EYS: variants seen among roughly 807,000 people sequenced by gnomAD.
The protein encoded by EYS is protein eyes shut homolog.
A neutral mutation model predicts 282.1 loss-of-function variants in EYS; 250 were observed. The observed-to-expected ratio is 0.89, with a 90% CI of 0.80 to 0.98. The LOEUF is 0.98. Ranked by LOEUF, EYS falls within the 50% of genes least tolerant of loss-of-function variation. The pLI, the probability that EYS is intolerant of heterozygous loss-of-function variation, is 0.00. For missense variants in EYS, 4,016 were observed against 3,709.0 expected (o/e 1.08, Z -2.15); for synonymous variants, 1,355 against 1,282.9 (o/e 1.06, Z -1.20).
chr6:65,696,780 C>T (rs2149848729), intron 1 of EYS, among the ~76,000 whole-genome samples: 1 of 152,008 alleles, frequency 6.6e-6, no homozygotes, highest in East Asian at 1.9e-4. Context: ...AAATATTAAA[C>T]TTTGAAATGT....
At chr6:64,035,404 A>G (rs1229176156) in intron 33 of EYS, among the ~76,000 whole-genome samples, 1 of 152,240 alleles carries the variant, frequency 6.6e-6, no homozygotes, top group African/African-American at 2.4e-5. Context: ...TATGACTCAT[A>G]GGGAGGAGAA....
chr6:63,804,762 T>C (rs1333601479), intron 37 of EYS, among the ~76,000 whole-genome samples: 1 of 152,222 alleles, frequency 6.6e-6, no homozygotes, highest in Non-Finnish European at 1.5e-5. Context: ...AGATGGGTTT[T>C]AAACAAGGTT....
rs752654910 is a variant in EYS, at chr6:64,081,881, G to C, written c.6546C>G (p.Asn2182Lys). 9.7e-6 allele frequency: 15 copies of C among 1,538,738 alleles called. No homozygotes were observed. Among genetic ancestry groups the C allele is most frequent in the Non-Finnish European group, 1.3e-5 (15 of 1,137,776 alleles). Residue 2182 changes from asparagine to lysine, a missense_variant, in exon 32 of 43, where the codon AAC becomes AAG. Coordinates refer to ENST00000503581, the MANE Select transcript of EYS (RefSeq NM_001142800.2). ...TGTAAAGAATAGTTCCATTTAAACT[G>C]TTTGTTTTTATAGTCAAGTAGATGG... ...TVTIYLTIKTNSLNGTILYSN... is the reference protein window; with the variant it reads ...TVTIYLTIKTKSLNGTILYSN...
At chr6:65,262,293 T>C (rs866944316) in intron 12 of EYS, among the ~76,000 whole-genome samples, 10 of 152,138 alleles carry the variant, frequency 6.6e-5, no homozygotes, top group African/African-American at 2.4e-4. Flanking sequence ...ATACATTACA[T>C]GTCATACAGG....
chr6:65,478,131 G>C (rs1435993789), intron 5 of EYS, among the ~76,000 whole-genome samples: 1 of 152,136 alleles, frequency 6.6e-6, no homozygotes, highest in African/African-American at 2.4e-5. Flanking sequence ...AGGAGTAAAG[G>C]AAGTGGATTT....
At chr6:64,543,598 T>G (rs1764755137) in intron 26 of EYS, among the ~76,000 whole-genome samples, 1 of 152,140 alleles carries the variant, frequency 6.6e-6, no homozygotes, top group South Asian at 2.1e-4. Context: ...GCTAGTAAAA[T>G]TAATACAATA....
intron 1 of EYS, among the ~76,000 whole-genome samples, chr6:65,700,114 C>CAA (rs1178482636): frequency 0.021 from 1,092 of 51,718 alleles, 118 homozygotes; most frequent in African/African-American, 0.069. Context: ...GACTCCGTCT[C>CAA]AAAAAAAAAA....
intron 33 of EYS, among the ~76,000 whole-genome samples, chr6:64,024,724 C>G (rs561440282): frequency 6.6e-6 from 1 of 152,148 alleles, no homozygotes. Context: ...TCCAGACGTG[C>G]CACCTTAAGA....
intron 12 of EYS, among the ~76,000 whole-genome samples, chr6:65,295,547 G>A (rs1441919574): frequency 7.2e-5 from 11 of 151,866 alleles, no homozygotes; most frequent in Admixed American, 7.2e-4. Context: ...AGCTGTTTAG[G>A]CAAAATTATT....
At chr6:64,123,137 C>T (rs1286978367) in intron 31 of EYS, among the ~76,000 whole-genome samples, 2 of 152,142 alleles carry the variant, frequency 1.3e-5, no homozygotes, top group African/African-American at 2.4e-5. Context: ...AAACCAGCAT[C>T]GTTTCTTGCC....
rs892970142 is a variant in EYS, at chr6:65,345,677, T to A, written c.1460-1500A>T. Among the ~76,000 whole-genome samples, 5 of 151,742 alleles carry A rather than the reference T, an allele frequency of 3.3e-5. No homozygotes were observed. In the East Asian group the frequency reaches 5.8e-4, roughly 18 times the overall value. ...TTTATTAGTATAAAGTTTTTCATAA[T>A]GATATATCTGACTAAACATTAGGAT... On this transcript the variant is annotated intron_variant, in intron 9 of 42. Transcript: ENST00000503581.
intron 15 of EYS, among the ~76,000 whole-genome samples, chr6:64,943,588 GCA>G (rs959442518): frequency 6.6e-6 from 1 of 151,766 alleles, no homozygotes; most frequent in African/African-American, 2.4e-5. Flanking sequence ...ATTTACAATA[GCA>G]CACACACCAA....
At position 65,405,191 on chromosome 6, in the gene EYS, A is replaced by G; in HGVS notation, c.1039T>C (p.Cys347Arg). The change falls in exon 6 of 43, where the codon TGC becomes CGC. Residue 347 changes from cysteine (C) to arginine (R), a missense_variant. Physicochemically the swap from Cys to Arg is radical, Grantham distance 180. Coordinates refer to ENST00000503581, the MANE Select transcript of EYS (RefSeq NM_001142800.2). ...SLVPCQNGTD[C>R]IKISNDVMCI... ...AGACTTACATTTGATATTTTGATGC[A>G]GTCAGTACCATTCTGACATGGTACT... 1 of 1,611,776 alleles carries G rather than the reference A, an allele frequency of 6.2e-7. No individual in the cohort carries two copies.
chr6:64,011,539 A>T (rs1330214627), intron 33 of EYS, among the ~76,000 whole-genome samples: 2 of 148,870 alleles, frequency 1.3e-5, no homozygotes, highest in Non-Finnish European at 3.0e-5. Context: ...CATCTGTCTC[A>T]TATTTTTTTT....
At chr6:65,404,749 TAG>T (rs1290832163) in intron 6 of EYS, among the ~76,000 whole-genome samples, 1 of 152,022 alleles carries the variant, frequency 6.6e-6, no homozygotes, top group Non-Finnish European at 1.5e-5. Context: ...ACAAAAAGTT[TAG>T]GAGGTTGGAA....
At chr6:64,199,531 A>G (rs893624148) in intron 31 of EYS, among the ~76,000 whole-genome samples, 2 of 152,222 alleles carry the variant, frequency 1.3e-5, no homozygotes, top group Admixed American at 6.5e-5. Flanking sequence ...AGACTTCATG[A>G]CTAAAACACC....
intron 2 of EYS, among the ~76,000 whole-genome samples, chr6:65,621,772 T>A (rs1314243469): frequency 6.6e-6 from 1 of 152,110 alleles, no homozygotes; most frequent in African/African-American, 2.4e-5. Flanking sequence ...CTCTCAGCAT[T>A]TGCTTGTCTG....
intron 34 of EYS, among the ~76,000 whole-genome samples, chr6:63,990,075 A>G (rs923811426): frequency 6.6e-6 from 1 of 151,668 alleles, no homozygotes; most frequent in Admixed American, 6.6e-5. Context: ...CTACTTTGTG[A>G]ACACATTGAT....
chr6:64,927,905 ATT>A (rs1768571156), intron 15 of EYS, among the ~76,000 whole-genome samples: 1 of 152,106 alleles, frequency 6.6e-6, no homozygotes, highest in Non-Finnish European at 1.5e-5. Context: ...TTTATCAGAA[ATT>A]ATTACAAAAG....
Sources: gnomAD v4.1 joint callset for allele counts (sites outside exome capture counted in the v4.1 genomes callset) on GRCh38, gnomAD v4.1.1 for gene constraint, MANE v1.5 for transcripts, NCBI Gene and HGNC (gene_info 2026-07-23, HGNC 2026-07-21) for gene names.